NUP88: variants seen among roughly 807,000 people sequenced by gnomAD.
The protein encoded by NUP88 is nuclear pore complex protein Nup88.
In NUP88, 57 loss-of-function variants were observed where a neutral mutation model predicts 93.9. That is an observed-to-expected ratio of 0.61 (90% confidence interval 0.49 to 0.76). NUP88 has a LOEUF of 0.76. NUP88 is among the 30% of genes least tolerant of loss of function. NUP88 has a pLI of 0.00. For synonymous variants in NUP88, 346 were observed against 336.8 expected, an observed-to-expected ratio of 1.03 and a Z score of -0.30; for missense variants, 911 against 901.0, an observed-to-expected ratio of 1.01 and a Z score of -0.14.
intron 9 of NUP88, among the ~76,000 whole-genome samples, chr17:5,392,335 T>C (rs1912493279): frequency 6.6e-6 from 1 of 152,208 alleles, no homozygotes; most frequent in Non-Finnish European, 1.5e-5. Context: ...TGCAAACTCA[T>C]GTCTCTTCCA....
intron 8 of NUP88, 111 bp downstream of exon 8, chr17:5,399,441 G>A: frequency 1.7e-6 from 1 of 596,306 alleles, no homozygotes; most frequent in Admixed American, 3.2e-5. Flanking sequence ...GAACCTTTCG[G>A]TTTCACTGAT....
At chr17:5,392,562 C>A (rs1186821895) in intron 9 of NUP88, among the ~76,000 whole-genome samples, 1 of 152,164 alleles carries the variant, frequency 6.6e-6, no homozygotes, top group African/African-American at 2.4e-5. Flanking sequence ...CACTACTGGG[C>A]TATACACTAT....
In NUP88 at chr17:5,405,171, A is replaced by G; in HGVS notation, c.930T>C (p.Asp310=). The change falls in exon 6 of 17, where the codon GAT becomes GAC. Residue 310 remains aspartate (D), a synonymous_variant. Transcript: ENST00000573584. ...HPAAEDNYGY[D]ACAVLCLPCV... ...AGGGTAAGCAGAGTACAGCACACGC[A>G]TCATAACCATAGTTATCTTCAGCCG... The G allele has an allele frequency of 6.2e-7, 1 of 1,614,216 alleles. No homozygotes were observed. Among genetic ancestry groups the G allele is most frequent in the Non-Finnish European group, 8.5e-7 (1 of 1,180,024 alleles).
rs557065921 is a variant in NUP88 at position 5,399,748 on chromosome 17, A to G, written c.1193-98T>C. ...CTACTCCACATTAGCCTACAAACGC[A>G]TTTGTTGATGGAAGGTTTTATAAAA... On this transcript the variant is annotated intron_variant, in intron 7 of 16. Coordinates refer to ENST00000573584, the MANE Select transcript of NUP88 (RefSeq NM_002532.6). 5.3e-6 allele frequency: 3 copies of G among 561,392 alleles called. No homozygotes were observed. The South Asian group carries it at 7.6e-5, about 14-fold the overall frequency. The allele number at this position is 561,392 out of a possible 1,614,324, so 34.8% of individuals were successfully genotyped here. A position where few individuals can be genotyped will look rare whatever the true frequency, so the allele number is the denominator to read the frequency against.
intron 11 of NUP88, 114 bp downstream of exon 11, chr17:5,388,688 C>T (rs567492544): frequency 3.0e-6 from 3 of 996,672 alleles, no homozygotes; most frequent in African/African-American, 3.3e-5. Flanking sequence ...CAGTTTCTTC[C>T]AAATTTATCA....
chr17:5,410,049 A>G (rs1469003530), intron 4 of NUP88, among the ~76,000 whole-genome samples: 1 of 152,200 alleles, frequency 6.6e-6, no homozygotes, highest in Non-Finnish European at 1.5e-5. Context: ...GACTCTGGGA[A>G]ATCAATGGGG....
chr17:5,404,422 G>C (rs929844795), intron 6 of NUP88, among the ~76,000 whole-genome samples, 176 bp from the exon 7 acceptor site: 2 of 152,094 alleles, frequency 1.3e-5, no homozygotes, highest in Admixed American at 1.3e-4. Context: ...AGACCAGCCT[G>C]GCCAACATAC....
chr17:5,401,135 G>A (rs1381923889), intron 7 of NUP88, among the ~76,000 whole-genome samples: 2 of 152,036 alleles, frequency 1.3e-5, no homozygotes, highest in South Asian at 2.1e-4. Context: ...TGTAATCCCA[G>A]CCCTTTGGGA....
At chr17:5,395,102 T>C in intron 8 of NUP88, 121 bp from the exon 9 acceptor site, 2 of 663,882 alleles carry the variant, frequency 3.0e-6, no homozygotes, top group South Asian at 1.8e-5. Context: ...TCTCAAGTAC[T>C]ATGCTTTTCT....
intron 14 of NUP88, 40 bp from the exon 15 acceptor site, chr17:5,387,150 T>G (rs1218833661): frequency 6.2e-7 from 1 of 1,600,398 alleles, no homozygotes; most frequent in Non-Finnish European, 8.5e-7. Flanking sequence ...TTAAGGTCTC[T>G]ACTAATTAGG....
At chr17:5,413,921 C>CA in intron 3 of NUP88, 88 bp downstream of exon 3, 1 of 1,399,898 alleles carries the variant, frequency 7.1e-7, no homozygotes, top group Non-Finnish European at 1.0e-6. Flanking sequence ...TTCAATGACT[C>CA]ACTTCGTTCT....
At position 5,387,873 on chromosome 17, in the gene NUP88, C is replaced by T. The variant is rs1567563930; in HGVS notation, c.1675G>A (p.Glu559Lys). 1.9e-6 allele frequency: 3 copies of T among 1,613,850 alleles called. No homozygotes were observed. The highest frequency in any genetic ancestry group is 1.3e-5 in the African/African-American group (1 of 74,916). Reference protein sequence around the residue: ...ASEKDIAPPPEECLQLLSRAT... With the variant: ...ASEKDIAPPPKECLQLLSRAT... ...CTGCTGAGGAGCTGAAGGCATTCTTCAGGAGGAGGGGCTATGTCCTTTTCA... is the reference window on the plus strand; with the variant it reads ...CTGCTGAGGAGCTGAAGGCATTCTTTAGGAGGAGGGGCTATGTCCTTTTCA... The change falls in exon 12 of 17, where the codon GAA (glutamate) becomes AAA (lysine). Residue 559 changes from glutamate to lysine, a missense_variant. Physicochemically the swap from Glu to Lys is moderately conservative, Grantham distance 56 (BLOSUM62 1). Coordinates refer to ENST00000573584, the MANE Select transcript of NUP88 (RefSeq NM_002532.6).
chr17:5,389,516 G>T (rs1259360820), intron 10 of NUP88, among the ~76,000 whole-genome samples: 1 of 152,162 alleles, frequency 6.6e-6, no homozygotes, highest in African/African-American at 2.4e-5. Flanking sequence ...GGTGGCTCAC[G>T]CCTGTAATCC....
intron 5 of NUP88, among the ~76,000 whole-genome samples, chr17:5,407,783 GTAAC>G (rs1913583557): frequency 6.6e-6 from 1 of 152,126 alleles, no homozygotes; most frequent in African/African-American, 2.4e-5. Flanking sequence ...TATCCAAACA[GTAAC>G]TAAGTCTTAT....
In NUP88 at chr17:5,386,818, C is replaced by G. The variant is rs1243935870; in HGVS notation, c.2052G>C (p.Met684Ile). ...HLGNAIKQVT[M>I]KKDYQQQKME... ...TCTTTTGCTGTTGATAATCCTTTTT[C>G]ATAGTAACCTTAAGTATTAAAATAA... The change falls in exon 16 of 17, where the codon ATG becomes ATC. Residue 684 changes from methionine (M) to isoleucine (I), a missense_variant. Coordinates refer to ENST00000573584, the MANE Select transcript of NUP88 (RefSeq NM_002532.6). 6.2e-7 allele frequency: 1 copy of G among 1,610,410 alleles called. No individual in the cohort carries two copies. Among genetic ancestry groups the G allele is most frequent in the South Asian group, 1.1e-5 (1 of 90,994 alleles).
Position 5,385,334 on chromosome 17 carries a change from C to T in NUP88, c.*872G>A, listed in dbSNP as rs140048599. The stretch of plus-strand genomic sequence containing the variant: ...AAAAGAAAAGCTCAGTTGGGTTTCA[C>T]GAGTGTTCCTGTGCTTATATTCAGT... On this transcript the variant is annotated 3_prime_UTR_variant, in exon 17 of 17. Transcript: ENST00000573584. 206 of 230,800 alleles carry T rather than the reference C, an allele frequency of 8.9e-4. 1 individual carries two copies. Among genetic ancestry groups the T allele is most frequent in the East Asian group, 5.4e-3 (87 of 16,218 alleles). The allele number at this position is 230,800 out of a possible 1,614,324, so 14.3% of individuals were successfully genotyped here.
intron 11 of NUP88, chr17:5,388,572 G>T: frequency 2.5e-6 from 1 of 398,512 alleles, no homozygotes; most frequent in Admixed American, 4.2e-5. Flanking sequence ...ACAGGTGTGA[G>T]CCACCACGCC....
At chr17:5,416,450 A>G (rs1057410777) in intron 2 of NUP88, 63 bp downstream of exon 2, 9 of 1,183,384 alleles carry the variant, frequency 7.6e-6, no homozygotes, top group Admixed American at 5.2e-5. Flanking sequence ...CTTAAGAACC[A>G]CTAGTCTTGA....
intron 8 of NUP88, among the ~76,000 whole-genome samples, chr17:5,395,192 C>T (rs1436011056): frequency 6.6e-6 from 1 of 152,166 alleles, no homozygotes; most frequent in African/African-American, 2.4e-5. Flanking sequence ...TCTCTGAATG[C>T]AAAAATGTTT....
Sources: gnomAD v4.1 joint callset for allele counts (sites outside exome capture counted in the v4.1 genomes callset) on GRCh38, gnomAD v4.1.1 for gene constraint, MANE v1.5 for transcripts, NCBI Gene and HGNC (gene_info 2026-07-23, HGNC 2026-07-21) for gene names.